Variants in FMNL1 observed in about 807,000 individuals in gnomAD.
The protein encoded by FMNL1 is formin-like protein 1.
In FMNL1, 43 loss-of-function variants were observed where a neutral mutation model predicts 121.3. The ratio of observed to expected loss-of-function variants is 0.35; its 90% CI spans 0.28 to 0.46. The LOEUF (loss-of-function observed/expected upper bound fraction) is 0.46, where lower values mean the gene tolerates loss of function less well. Among genes scored for constraint, FMNL1 ranks in the 20% least tolerant of loss-of-function variants. FMNL1 has a pLI of 1.00. For synonymous variants in FMNL1, 613 were observed against 613.5 expected, an observed-to-expected ratio of 1.00 and a Z score of 0.01; for missense variants, 1,191 against 1,482.4, an observed-to-expected ratio of 0.80 and a Z score of 3.23.
rs35496453 is a variant in FMNL1 at position 45,245,410 on chromosome 17, G to A, written c.2886G>A (p.Thr962=). 1,561 of 1,614,146 alleles carry A rather than the reference G, an allele frequency of 9.7e-4. 13 individuals are homozygous for A. In the African/African-American group the frequency reaches 0.018, roughly 19 times the overall value. ...TMDKLLADSK[T]AQEAFESVVE... Reference sequence around the variant, plus strand: ...ACAAGCTGCTGGCAGACAGCAAGACGGCTCAGGTGCGCCAGGGCTGGCCTC... The same window carrying A: ...ACAAGCTGCTGGCAGACAGCAAGACAGCTCAGGTGCGCCAGGGCTGGCCTC... Residue 962 remains threonine (T), a synonymous_variant, in exon 22 of 27, where the codon ACG becomes ACA. Coordinates refer to ENST00000331495, the MANE Select transcript of FMNL1 (RefSeq NM_005892.4).
chr17:45,241,924 C>G lies in FMNL1; in HGVS notation c.1663C>G (p.Gln555Glu). ...CCCACTGCCCGGCCTCCCCTCCCCGCAGGAAGCCCCGCCCTCTGCGCCCCC... is the reference window on the plus strand; with the variant it reads ...CCCACTGCCCGGCCTCCCCTCCCCGGAGGAAGCCCCGCCCTCTGCGCCCCC... ...PPPLPGLPSP[Q>E]EAPPSAPPQA... The change falls in exon 15 of 27, where the codon CAG (glutamine) becomes GAG (glutamate). Residue 555 changes from glutamine (Q) to glutamate (E), a missense_variant. By Grantham distance (29) the Gln-to-Glu change is conservative. Transcript: ENST00000331495. This position sits in a 1 kb window ranked among gnomAD's most constrained non-coding sequence, Gnocchi z 7.0. 7.2e-7 allele frequency: 1 copy of G among 1,393,072 alleles called. No homozygotes were observed. Among genetic ancestry groups the G allele is most frequent in the Non-Finnish European group, 9.2e-7 (1 of 1,083,042 alleles). The allele number at this position is 1,393,072 out of a possible 1,614,324, so 86.3% of individuals were successfully genotyped here.
At position 45,236,227 on chromosome 17, in the gene FMNL1, G is replaced by T. The variant is rs774475483; in HGVS notation, c.706G>T (p.Ala236Ser). The T allele has an allele frequency of 5.0e-6, 8 of 1,613,866 alleles. No homozygotes were observed. Among genetic ancestry groups the T allele is most frequent in the Admixed American group, 1.7e-5 (1 of 60,010 alleles). ...CCACGTCTGTATTATGTGCCTACGCGCCATCATGAACTACCAGGTCAGCCG... is the reference window on the plus strand; with the variant it reads ...CCACGTCTGTATTATGTGCCTACGCTCCATCATGAACTACCAGGTCAGCCG... Reference protein sequence around the residue: ...DVHVCIMCLRAIMNYQSGFSL... With the variant: ...DVHVCIMCLRSIMNYQSGFSL... Residue 236 changes from alanine (A) to serine (S), a missense_variant, in exon 7 of 27, where the codon GCC (alanine) becomes TCC (serine). Physicochemically the swap from Ala to Ser is moderately conservative, Grantham distance 99 (BLOSUM62 1). Transcript: ENST00000331495.
chr17:45,242,124 A>G lies in FMNL1; in HGVS notation c.1863A>G (p.Arg621=), dbSNP rs2043718309. 3 of 1,528,676 alleles carry G rather than the reference A, an allele frequency of 2.0e-6. No individual in the cohort carries two copies. The highest frequency in any genetic ancestry group is 5.1e-5 in the East Asian group (2 of 39,396). 94.7% of individuals were successfully genotyped at this position (1,528,676 alleles called of 1,614,324 possible). The change falls in exon 15 of 27, where the codon AGA becomes AGG. Residue 621 remains arginine (R), a synonymous_variant. Coordinates refer to ENST00000331495, the MANE Select transcript of FMNL1 (RefSeq NM_005892.4). ...PPGGPPDALG[R]RDSELGPGVK... is the part of the protein sequence containing the mutation. ...GAGGTCCTCCTGATGCCCTAGGAAG[A>G]CGCGACTCAGAATTGGGCCCAGGTG...
In FMNL1 at chr17:45,222,264, C is replaced by T; in HGVS notation, c.129+11C>T. 8.5e-7 allele frequency: 1 copy of T among 1,178,584 alleles called. No homozygotes were observed. Among genetic ancestry groups the T allele is most frequent in the Non-Finnish European group, 1.1e-6 (1 of 951,904 alleles). The allele number at this position is 1,178,584 out of a possible 1,614,324, so 73.0% of individuals were successfully genotyped here. On this transcript the variant is annotated intron_variant, in intron 1 of 26. Coordinates refer to ENST00000331495, the MANE Select transcript of FMNL1 (RefSeq NM_005892.4). ...TTCAACCGCGCCCTGGTGAGTGCGA[C>T]CCGGAGGCGGGTCGGGCGCGGGCGG...
intron 12 of FMNL1, 31 bp downstream of exon 12, chr17:45,240,656 C>T: frequency 6.2e-7 from 1 of 1,601,874 alleles, no homozygotes. Flanking sequence ...CAGCCCAGCA[C>T]ATCATAGGCC....
At chr17:45,235,357 A>T (rs1156372728) in intron 6 of FMNL1, among the ~76,000 whole-genome samples, 1 of 152,218 alleles carries the variant, frequency 6.6e-6, no homozygotes, top group East Asian at 1.9e-4. Flanking sequence ...TTACAGACAG[A>T]TACAGGCTTT....
chr17:45,243,766 A>C, intron 17 of FMNL1, 25 bp from the exon 18 acceptor site: 1 of 1,592,640 alleles, frequency 6.3e-7, no homozygotes, highest in Non-Finnish European at 8.6e-7. Context: ...ATGATGCCCA[A>C]TCTCCCCTCT....
In FMNL1 at chr17:45,245,043, C is replaced by T. The variant is rs1440130320; in HGVS notation, c.2663C>T (p.Ala888Val). ...TLLHYLVKVI[A>V]EKYPQLTGFH... is the part of the protein sequence containing the mutation. Reference sequence around the variant, plus strand: ...CTGCACTACCTGGTGAAGGTCATTGCTGAGAAGTACCCGCAACTCACAGGC... The same window carrying T: ...CTGCACTACCTGGTGAAGGTCATTGTTGAGAAGTACCCGCAACTCACAGGC... Residue 888 changes from alanine (A) to valine (V), a missense_variant, in exon 21 of 27, where the codon GCT (alanine) becomes GTT (valine). This residue lies in a region of FMNL1 where 367 missense variants were observed against 528.6 expected (regional missense o/e 0.69). Coordinates refer to ENST00000331495, the MANE Select transcript of FMNL1 (RefSeq NM_005892.4). 1 of 1,614,100 alleles carries T rather than the reference C, an allele frequency of 6.2e-7. No individual in the cohort carries two copies. The highest frequency in any genetic ancestry group is 1.3e-5 in the African/African-American group (1 of 74,932).
intron 1 of FMNL1, among the ~76,000 whole-genome samples, chr17:45,229,778 C>T (rs894154718): frequency 1.2e-4 from 18 of 152,140 alleles, no homozygotes; most frequent in Admixed American, 1.3e-4. Flanking sequence ...TCATCTGTGG[C>T]CAGGGGAGGA....
Position 45,240,590 on chromosome 17 carries a change from G to C in FMNL1, c.1195G>C (p.Glu399Gln), listed in dbSNP as rs772773705. Reference protein sequence around the residue: ...EDTETKNAVLEHMEELQEQVA... With the variant: ...EDTETKNAVLQHMEELQEQVA... ...CACAGAGACCAAGAACGCTGTGCTG[G>C]AGCACATGGAGGAACTGCAGGAGCA... The change falls in exon 12 of 27, where the codon GAG (glutamate) becomes CAG (glutamine). Residue 399 changes from glutamate to glutamine, a missense_variant. Transcript: ENST00000331495. 1.9e-6 allele frequency: 3 copies of C among 1,613,892 alleles called. No individual in the cohort carries two copies. The highest frequency in any genetic ancestry group is 3.4e-4 in the Middle Eastern group (2 of 5,922).
chr17:45,244,350 C>G, intron 19 of FMNL1, 106 bp downstream of exon 19: 1 of 1,344,942 alleles, frequency 7.4e-7, no homozygotes, highest in South Asian at 1.3e-5. Context: ...ATTCCCACTT[C>G]TCATGTACAT....
At chr17:45,245,790 G>A (rs549168226) in intron 23 of FMNL1, 57 bp downstream of exon 23, 40 of 1,610,808 alleles carry the variant, frequency 2.5e-5, no homozygotes, top group Non-Finnish European at 3.2e-5. Context: ...CTTTCTACTG[G>A]GCAGCGGAGG....
At position 45,241,090 on chromosome 17, in the gene FMNL1, G is replaced by T. The variant is rs757645015; in HGVS notation, c.1231-39G>T. 5 of 1,610,812 alleles carry T rather than the reference G, an allele frequency of 3.1e-6. No individual in the cohort carries two copies. The highest frequency in any genetic ancestry group is 4.2e-6 in the Non-Finnish European group (5 of 1,178,548). Reference sequence around the variant, plus strand: ...CCCCCTCACCGGCGGTGCCAGTGCCGGGCTGCGGGTCGGGGCTCACCATGT... The same window carrying T: ...CCCCCTCACCGGCGGTGCCAGTGCCTGGCTGCGGGTCGGGGCTCACCATGT... On this transcript the variant is annotated intron_variant, in intron 12 of 26. Transcript: ENST00000331495. This position sits in a 1 kb window ranked among gnomAD's most constrained non-coding sequence, Gnocchi z 7.0.
chr17:45,240,844 C>A (rs1316064795), intron 12 of FMNL1: 16 of 755,828 alleles, frequency 2.1e-5, no homozygotes, highest in Non-Finnish European at 3.3e-5. Flanking sequence ...TGACAGGCCC[C>A]TCCTCTACCC....
At position 45,231,258 on chromosome 17, in the gene FMNL1, G is replaced by A. The variant is rs2043431632; in HGVS notation, c.213+571G>A. On this transcript the variant is annotated intron_variant, in intron 2 of 26. Coordinates refer to ENST00000331495, the MANE Select transcript of FMNL1 (RefSeq NM_005892.4). This position sits in a 1 kb window ranked among gnomAD's most constrained non-coding sequence, Gnocchi z 4.7. ...CAAGGGCTGCGGTCGGCCATGGGCC[G>A]ACCCTCTCCCAGCGCTGGGCTGGGT... Among the ~76,000 whole-genome samples the A allele has an allele frequency of 6.6e-6, 1 of 152,294 alleles. No individual in the cohort carries two copies. Among genetic ancestry groups the A allele is most frequent in the East Asian group, 1.9e-4 (1 of 5,166 alleles).
At position 45,225,494 on chromosome 17, in the gene FMNL1, G is replaced by A. The variant is rs572121201; in HGVS notation, c.129+3241G>A. On this transcript the variant is annotated intron_variant, in intron 1 of 26. Transcript: ENST00000331495. ...TGGTCTGATGTTGGGCTGGGCAGAG[G>A]GGAGGGGTGACATTCCCAGCAGGCA... Among the ~76,000 whole-genome samples, 7 of 152,328 alleles carry A rather than the reference G, an allele frequency of 4.6e-5. No individual in the cohort carries two copies. The East Asian group carries it at 1.3e-3, about 29-fold the overall frequency.
chr17:45,233,585 T>C lies in FMNL1; in HGVS notation c.402-63T>C. The C allele has an allele frequency of 6.3e-7, 1 of 1,589,006 alleles. No individual in the cohort carries two copies. On this transcript the variant is annotated intron_variant, in intron 4 of 26. Coordinates refer to ENST00000331495, the MANE Select transcript of FMNL1 (RefSeq NM_005892.4). This position sits in a 1 kb window ranked among gnomAD's most constrained non-coding sequence, Gnocchi z 4.1. ...CCCCAGGGGTCCTTGCTGTCCCTGTTCTGTGCCCATGTGGGGCAGGACCTC... is the reference window on the plus strand; with the variant it reads ...CCCCAGGGGTCCTTGCTGTCCCTGTCCTGTGCCCATGTGGGGCAGGACCTC...
chr17:45,242,630 A>G (rs2043733621), intron 16 of FMNL1, among the ~76,000 whole-genome samples, 165 bp downstream of exon 16: 1 of 152,194 alleles, frequency 6.6e-6, no homozygotes, highest in African/African-American at 2.4e-5. Flanking sequence ...TACCTCTAAC[A>G]GGCAGAATCC....
At position 45,237,936 on chromosome 17, in the gene FMNL1, C is replaced by A. The variant is rs1157467454; in HGVS notation, c.894+297C>A. 8.8e-6 allele frequency: 3 copies of A among 340,856 alleles called. No homozygotes were observed. The highest frequency in any genetic ancestry group is 1.7e-5 in the Non-Finnish European group (3 of 181,166). The allele number at this position is 340,856 out of a possible 1,614,324, so 21.1% of individuals were successfully genotyped here. A position where few individuals can be genotyped will look rare whatever the true frequency, so the allele number is the denominator to read the frequency against. ...GATCCAAACTAGCCTTGGTTCATAC[C>A]TCCAGGAGTTGCGGACTCTGGCTAA... On this transcript the variant is annotated intron_variant, in intron 9 of 26. Coordinates refer to ENST00000331495, the MANE Select transcript of FMNL1 (RefSeq NM_005892.4). The surrounding 1 kb of genome is among the most constrained non-coding windows in gnomAD (Gnocchi z 4.4).
Sources: gnomAD v4.1 joint callset for allele counts (sites outside exome capture counted in the v4.1 genomes callset) on GRCh38, gnomAD v4.1.1 for gene constraint, gnomAD v4.1.1 regional missense constraint, Gnocchi (gnomAD v3.1) non-coding constraint, MANE v1.5 for transcripts, NCBI Gene and HGNC (gene_info 2026-07-23, HGNC 2026-07-21) for gene names.